KIF3B: variants seen among roughly 807,000 people sequenced by gnomAD.
The protein encoded by KIF3B is kinesin family member 3B.
Under a neutral mutation model 74.3 loss-of-function variants are expected in KIF3B, and 38 were observed. That is an observed-to-expected ratio of 0.51 (90% CI 0.39 to 0.67). KIF3B has a LOEUF of 0.67. KIF3B is among the 30% of genes least tolerant of loss of function. The pLI, the probability that KIF3B is intolerant of heterozygous loss-of-function variation, is 0.00. For synonymous variants in KIF3B, 326 were observed against 342.5 expected, an observed-to-expected ratio of 0.95 and a Z score of 0.53; for missense variants, 649 against 932.0, an observed-to-expected ratio of 0.70 and a Z score of 3.95.
In KIF3B at chr20:32,316,267, C is replaced by T. The variant is rs2047827004; in HGVS notation, c.1454C>T (p.Thr485Met). 2.5e-6 allele frequency: 4 copies of T among 1,613,386 alleles called. No homozygotes were observed. Among genetic ancestry groups the T allele is most frequent in the Non-Finnish European group, 2.5e-6 (3 of 1,179,496 alleles). Reference protein sequence around the residue: ...LVGGKNIVDHTNEQQKILEQK... With the variant: ...LVGGKNIVDHMNEQQKILEQK... Reference sequence around the variant, plus strand: ...GGAGGAAAAAATATAGTAGATCATACGAATGAACAGCAGAAAATCCTGGAG... The same window carrying T: ...GGAGGAAAAAATATAGTAGATCATATGAATGAACAGCAGAAAATCCTGGAG... Residue 485 changes from threonine to methionine, a missense_variant, in exon 3 of 9, where the codon ACG becomes ATG. Transcript: ENST00000375712.
In KIF3B at chr20:32,330,413, G is replaced by C; in HGVS notation, c.2147+94G>C. 7 of 1,105,982 alleles carry C rather than the reference G, an allele frequency of 6.3e-6. No homozygotes were observed. The South Asian group carries it at 1.0e-4, about 17-fold the overall frequency. 68.5% of individuals were successfully genotyped at this position (1,105,982 alleles called of 1,614,324 possible). A position where few individuals can be genotyped will look rare whatever the true frequency, so the allele number is the denominator to read the frequency against. The stretch of plus-strand genomic sequence containing the variant: ...CTTGTTTATCATGGAATACTTTGCA[G>C]AACACACTAGAAAATATTGCCATAT... On this transcript the variant is annotated intron_variant, in intron 8 of 8. Transcript: ENST00000375712.
At chr20:32,311,937 G>C (rs1164965699) in intron 2 of KIF3B, among the ~76,000 whole-genome samples, 1 of 151,090 alleles carries the variant, frequency 6.6e-6, no homozygotes, top group African/African-American at 2.4e-5. Flanking sequence ...AGAGTACCTG[G>C]GATTACAGGT....
chr20:32,298,556 A>G (rs1375039762), intron 1 of KIF3B, among the ~76,000 whole-genome samples: 1 of 152,234 alleles, frequency 6.6e-6, no homozygotes, highest in African/African-American at 2.4e-5. Context: ...AGTATTACAG[A>G]TAAAGTTGAA....
chr20:32,317,641 G>GT (rs1246559281), intron 5 of KIF3B, among the ~76,000 whole-genome samples: 7,557 of 139,778 alleles, frequency 0.054, 575 homozygotes, highest in African/African-American at 0.17. Context: ...GATCACAGTG[G>GT]TTTTTTTTTT....
intron 1 of KIF3B, 91 bp from the exon 2 acceptor site, chr20:32,309,622 C>G (rs978622251): frequency 2.7e-6 from 2 of 742,780 alleles, no homozygotes; most frequent in Non-Finnish European, 4.3e-6. Flanking sequence ...GTCAGGTTAG[C>G]AAGATGAAGA....
intron 1 of KIF3B, among the ~76,000 whole-genome samples, chr20:32,286,513 C>T (rs910520945): frequency 5.9e-5 from 9 of 152,076 alleles, no homozygotes; most frequent in Admixed American, 5.9e-4. Context: ...AGACTCTGGC[C>T]TAAGAAATAT....
intron 1 of KIF3B, among the ~76,000 whole-genome samples, chr20:32,290,331 C>G (rs6119236): frequency 6.6e-6 from 1 of 151,898 alleles, no homozygotes; most frequent in Admixed American, 6.6e-5. Flanking sequence ...TGCAGTGAGC[C>G]GAGATCACGC....
chr20:32,332,965 A>G lies in KIF3B; in HGVS notation c.*1646A>G, dbSNP rs2047937196. 2.6e-5 allele frequency: 4 copies of G among 152,544 alleles called. 2 individuals carry two copies. The South Asian group carries it at 8.3e-4, about 32-fold the overall frequency. The allele number at this position is 152,544 out of a possible 1,614,324, so 9.4% of individuals were successfully genotyped here. ...GCGACTCAGGTGGGCCTTGAGTTAT[A>G]TTTTAACTCAGCTGCTCAGTTCCCA... On this transcript the variant is annotated 3_prime_UTR_variant, in exon 9 of 9. Coordinates refer to ENST00000375712, the MANE Select transcript of KIF3B (RefSeq NM_004798.4).
intron 1 of KIF3B, among the ~76,000 whole-genome samples, chr20:32,283,206 T>TA (rs952985548): frequency 4.6e-5 from 7 of 151,002 alleles, no homozygotes; most frequent in East Asian, 1.9e-4. Flanking sequence ...CTGGCTAATT[T>TA]AAAAAAAAAT....
intron 5 of KIF3B, 55 bp downstream of exon 5, chr20:32,316,929 C>T (rs956533968): frequency 1.8e-4 from 232 of 1,305,048 alleles, no homozygotes; most frequent in Middle Eastern, 4.6e-4. Flanking sequence ...TCATTGATCT[C>T]GTTTGTTTAG....
At chr20:32,281,261 G>A (rs143284621) in intron 1 of KIF3B, among the ~76,000 whole-genome samples, 44 of 152,320 alleles carry the variant, frequency 2.9e-4, no homozygotes, top group African/African-American at 9.4e-4. Flanking sequence ...CTGAATGGAA[G>A]CCAAGAAGCC....
intron 2 of KIF3B, 42 bp from the exon 3 acceptor site, chr20:32,316,176 G>A: frequency 8.6e-7 from 1 of 1,167,840 alleles, no homozygotes. Flanking sequence ...TGTTCTGAGA[G>A]AAACCGTTCA....
At chr20:32,292,583 G>GAAAAAATA (rs2047697398) in intron 1 of KIF3B, among the ~76,000 whole-genome samples, 2 of 71,822 alleles carry the variant, frequency 2.8e-5, no homozygotes, top group Non-Finnish European at 5.6e-5. Flanking sequence ...ACTAAAAATA[G>GAAAAAATA]AAAAAAAAAA....
chr20:32,305,570 CTTT>C (rs869049527), intron 1 of KIF3B, among the ~76,000 whole-genome samples: 3 of 86,904 alleles, frequency 3.5e-5, no homozygotes, highest in Admixed American at 1.4e-4. Context: ...ACTCCCCCAC[CTTT>C]TTTTTTTTTT....
chr20:32,296,628 T>C lies in KIF3B; in HGVS notation c.-65-13085T>C, dbSNP rs549882505. ...AAAAAAAAGGGTATATAATGAAAAG[T>C]TTCTCTTCTACTTTTGGCCCTCATC... On this transcript the variant is annotated intron_variant, in intron 1 of 8. Coordinates refer to ENST00000375712, the MANE Select transcript of KIF3B (RefSeq NM_004798.4). Among the ~76,000 whole-genome samples the C allele has an allele frequency of 5.3e-5, 8 of 152,130 alleles. No homozygotes were observed. In the South Asian group the frequency reaches 1.7e-3, roughly 32 times the overall value.
At chr20:32,291,405 A>G (rs1311260325) in intron 1 of KIF3B, among the ~76,000 whole-genome samples, 1 of 152,084 alleles carries the variant, frequency 6.6e-6, no homozygotes, top group Admixed American at 6.6e-5. Context: ...AGCAGTTCTC[A>G]GCACTTGGCA....
chr20:32,306,116 C>T (rs1000390326), intron 1 of KIF3B, among the ~76,000 whole-genome samples: 5 of 146,564 alleles, frequency 3.4e-5, no homozygotes, highest in Admixed American at 6.9e-5. Flanking sequence ...AAGTTATTGC[C>T]GGGTGCGGTG....
intron 5 of KIF3B, among the ~76,000 whole-genome samples, chr20:32,322,081 C>T (rs193034067): frequency 5.7e-4 from 86 of 152,190 alleles, no homozygotes; most frequent in Admixed American, 5.2e-3. Flanking sequence ...CACATTGAAT[C>T]TGTAGATCAA....
intron 5 of KIF3B, among the ~76,000 whole-genome samples, chr20:32,320,498 T>C (rs2047854954): frequency 6.6e-6 from 1 of 151,432 alleles, no homozygotes; most frequent in Non-Finnish European, 1.5e-5. Context: ...TGTGTGTGTG[T>C]GTGCATGTGT....
Sources: allele counts gnomAD v4.1 joint callset (sites outside exome capture counted in the v4.1 genomes callset), GRCh38; gene constraint gnomAD v4.1.1; transcripts MANE v1.5; gene names NCBI Gene and HGNC (gene_info 2026-07-23, HGNC 2026-07-21).